Variants in LRP4 observed in about 807,000 individuals in gnomAD.
LRP4 encodes the protein LDL receptor related protein 4.
LRP4 carries 95 observed loss-of-function variants against 220.3 expected under a neutral mutation model. The observed-to-expected ratio is 0.43, with a 90% CI of 0.37 to 0.51. LRP4 has a LOEUF of 0.51. Ranked by LOEUF, LRP4 falls within the 20% of genes least tolerant of loss-of-function variation. LRP4 has a pLI of 0.00. For synonymous variants in LRP4, 903 were observed against 954.6 expected, an observed-to-expected ratio of 0.95 and a Z score of 1.00; for missense variants, 1,925 against 2,567.0, an observed-to-expected ratio of 0.75 and a Z score of 5.40.
chr11:46,868,373 G>C (rs1304136048), intron 33 of LRP4, among the ~76,000 whole-genome samples: 1 of 152,212 alleles, frequency 6.6e-6, no homozygotes, highest in African/African-American at 2.4e-5. Context: ...CAGGGACCTG[G>C]GAATCAAGAG....
intron 1 of LRP4, among the ~76,000 whole-genome samples, chr11:46,917,632 C>G (rs1941968224): frequency 6.6e-6 from 1 of 152,184 alleles, no homozygotes. Context: ...AGCCTTCCAG[C>G]AGTTTCTTCC....
chr11:46,873,319 A>G lies in LRP4; in HGVS notation c.4448+56T>C, dbSNP rs1485604279. 1 of 1,611,988 alleles carries G rather than the reference A, an allele frequency of 6.2e-7. No homozygotes were observed. The highest frequency in any genetic ancestry group is 1.7e-5 in the Admixed American group (1 of 59,786). ...AGAACACAGAGGACCCACTAACACC[A>G]TCTTTCCACCCAGCCCTTCTTCCCT... On this transcript the variant is annotated intron_variant, in intron 29 of 37. Transcript: ENST00000378623. The surrounding 1 kb of genome is among the most constrained non-coding windows in gnomAD (Gnocchi z 4.2).
chr11:46,889,749 T>A, intron 15 of LRP4, 195 bp downstream of exon 15: 1 of 835,762 alleles, frequency 1.2e-6, no homozygotes, highest in Non-Finnish European at 1.9e-6. Flanking sequence ...CGGTGAAGTC[T>A]AATGAATCTT....
In LRP4 at chr11:46,859,362, A is replaced by G. The variant is rs746893889; in HGVS notation, c.5386-47T>C. The G allele has an allele frequency of 7.0e-5, 98 of 1,394,870 alleles. 1 individual carries two copies. The Admixed American group carries it at 1.5e-3, about 22-fold the overall frequency. 86.4% of individuals were successfully genotyped at this position (1,394,870 alleles called of 1,614,324 possible). A position where few individuals can be genotyped will look rare whatever the true frequency, so the allele number is the denominator to read the frequency against. ...TATGGTCAGTCAGTTGGCCTTCTAC[A>G]AAGGATCCCATGGTAAACTGAAAAA... On this transcript the variant is annotated intron_variant, in intron 37 of 37. Transcript: ENST00000378623.
At chr11:46,874,755 C>CAGAA in intron 28 of LRP4, 45 bp downstream of exon 28, 1 of 1,594,024 alleles carries the variant, frequency 6.3e-7, no homozygotes, top group Non-Finnish European at 8.6e-7. Flanking sequence ...CATGGGCGAC[C>CAGAA]AGAAGCAAAT....
rs1941406779 is a variant in LRP4, at chr11:46,890,780, G to C, written c.1698-286C>G. 6.6e-6 allele frequency among the ~76,000 whole-genome samples: 1 copy of C among 152,012 alleles called. No individual in the cohort carries two copies. Among genetic ancestry groups the C allele is most frequent in the Non-Finnish European group, 1.5e-5 (1 of 68,002 alleles). Reference sequence around the variant, plus strand: ...CTAACTAATTTTTTTTTGTAGTAGAGATGAGGTCTTGCTATGTTACCCAAG... The same window carrying C: ...CTAACTAATTTTTTTTTGTAGTAGACATGAGGTCTTGCTATGTTACCCAAG... On this transcript the variant is annotated intron_variant, in intron 13 of 37. Transcript: ENST00000378623. This position sits in a 1 kb window ranked among gnomAD's most constrained non-coding sequence, Gnocchi z 5.3.
At chr11:46,894,970 A>C (rs1023482680) in intron 11 of LRP4, 151 bp from the exon 12 acceptor site, 4 of 1,048,206 alleles carry the variant, frequency 3.8e-6, no homozygotes, top group East Asian at 5.0e-5. Flanking sequence ...GGCAACCTTT[A>C]AACTATATTC....
At position 46,865,510 on chromosome 11, in the gene LRP4, A is replaced by T. The variant is rs188029916; in HGVS notation, c.5088-324T>A. Among the ~76,000 whole-genome samples the T allele has an allele frequency of 6.6e-5, 10 of 152,376 alleles. No individual in the cohort carries two copies. In the East Asian group the frequency reaches 1.9e-3, roughly 29 times the overall value. ...TATTAGGCTTTCTTAAACTACCAGG[A>T]TGAGTCAGAAGCAGCTGCTAGCCAA... On this transcript the variant is annotated intron_variant, in intron 34 of 37. Transcript: ENST00000378623.
intron 18 of LRP4, among the ~76,000 whole-genome samples, chr11:46,884,370 G>A (rs1456409567): frequency 3.3e-5 from 5 of 152,078 alleles, no homozygotes; most frequent in South Asian, 2.1e-4. Flanking sequence ...TTGAGAGGCC[G>A]AGGCAAGTGG....
rs368124164 is a variant in LRP4 at position 46,868,645 on chromosome 11, C to T, written c.4906G>A (p.Val1636Ile). The T allele has an allele frequency of 5.6e-6, 9 of 1,614,038 alleles. No individual in the cohort carries two copies. The highest frequency in any genetic ancestry group is 2.2e-5 in the East Asian group (1 of 44,898). ...TCAGGTTCGTCAGGACAGGCACATA[C>T]GAAGTCCGAGGCTCTGGCAAAGCAG... ...HLCFARASDFVCACPDEPDSR... is the reference protein window; with the variant it reads ...HLCFARASDFICACPDEPDSR... Residue 1636 changes from valine (V) to isoleucine (I), a missense_variant, in exon 33 of 38, where the codon GTA becomes ATA. This residue lies in a region of LRP4 where 1,244 missense variants were observed against 1,624.9 expected (regional missense o/e 0.77). Transcript: ENST00000378623.
At position 46,895,184 on chromosome 11, in the gene LRP4, G is replaced by T; in HGVS notation, c.1291C>A (p.Arg431Ser). ...CCCTTACCCAGAGCCTTGCAGCTGC[G>T]CCGGTCGGGCCGTAGTTCATAGCCT... is the stretch of plus-strand genomic sequence containing the variant. ...ETGYELRPDR[R>S]SCKALGPEPV... is the part of the protein sequence containing the mutation. Residue 431 changes from arginine to serine, a missense_variant, in exon 11 of 38, where the codon CGC (arginine) becomes AGC (serine). This residue lies in a region of LRP4 where 269 missense variants were observed against 436.7 expected (regional missense o/e 0.62). Coordinates refer to ENST00000378623, the MANE Select transcript of LRP4 (RefSeq NM_002334.4). 6.2e-7 allele frequency: 1 copy of T among 1,613,950 alleles called. No individual in the cohort carries two copies. The highest frequency in any genetic ancestry group is 8.5e-7 in the Non-Finnish European group (1 of 1,180,032).
intron 2 of LRP4, among the ~76,000 whole-genome samples, chr11:46,900,740 C>T (rs184366906): frequency 1.8e-3 from 280 of 151,632 alleles, no homozygotes; most frequent in South Asian, 4.4e-3. Context: ...ATCTGCCTGC[C>T]TCAGCCTCCC....
intron 1 of LRP4, among the ~76,000 whole-genome samples, chr11:46,908,142 G>C (rs1185816970): frequency 6.6e-6 from 1 of 152,104 alleles, no homozygotes; most frequent in Non-Finnish European, 1.5e-5. Flanking sequence ...ATGTTGGCCA[G>C]GGTGGTCTTA....
intron 15 of LRP4, 77 bp downstream of exon 15, chr11:46,889,867 A>C: frequency 6.6e-7 from 1 of 1,516,526 alleles, no homozygotes; most frequent in African/African-American, 1.4e-5. Flanking sequence ...CTCTAAGGGG[A>C]AGGAAGGTTC....
intron 16 of LRP4, 57 bp from the exon 17 acceptor site, chr11:46,886,590 A>G: frequency 7.0e-7 from 1 of 1,428,400 alleles, no homozygotes; most frequent in Non-Finnish European, 9.8e-7. Flanking sequence ...GAACAGTGAC[A>G]GACACAGACG....
chr11:46,870,652 T>C (rs966674658), intron 31 of LRP4, among the ~76,000 whole-genome samples: 1 of 152,190 alleles, frequency 6.6e-6, no homozygotes, highest in Non-Finnish European at 1.5e-5. Context: ...TCTCAAACTC[T>C]TGGGCTCAAG....
At position 46,890,566 on chromosome 11, in the gene LRP4, G is replaced by A; in HGVS notation, c.1698-72C>T. On this transcript the variant is annotated intron_variant, in intron 13 of 37. Coordinates refer to ENST00000378623, the MANE Select transcript of LRP4 (RefSeq NM_002334.4). The surrounding 1 kb of genome is among the most constrained non-coding windows in gnomAD (Gnocchi z 5.3). Reference sequence around the variant, plus strand: ...AGGTAACCAGGAGAATAATCAGGTAGGGCGCTTTTATCCATTTAACTCAGG... The same window carrying A: ...AGGTAACCAGGAGAATAATCAGGTAAGGCGCTTTTATCCATTTAACTCAGG... 1.8e-6 allele frequency: 2 copies of A among 1,090,864 alleles called. No homozygotes were observed. The highest frequency in any genetic ancestry group is 2.8e-6 in the Non-Finnish European group (2 of 726,562). The allele number at this position is 1,090,864 out of a possible 1,614,324, so 67.6% of individuals were successfully genotyped here.
rs765748906 is a variant in LRP4 at position 46,875,600 on chromosome 11, G to A, written c.3781C>T (p.Leu1261Phe). Residue 1261 changes from leucine (L) to phenylalanine (F), a missense_variant, in exon 27 of 38, where the codon CTC becomes TTC. Physicochemically the swap from Leu to Phe is conservative, Grantham distance 22. Coordinates refer to ENST00000378623, the MANE Select transcript of LRP4 (RefSeq NM_002334.4). The surrounding 1 kb of genome is among the most constrained non-coding windows in gnomAD (Gnocchi z 4.5). The stretch of plus-strand genomic sequence containing the variant: ...TCAGTCCAGTAGATATAGGAGTCGA[G>A]CAGGGTGAGGCCATATGGGTGCTGC... Reference protein sequence around the residue: ...PVQHPYGLTLLDSYIYWTDWQ... With the variant: ...PVQHPYGLTLFDSYIYWTDWQ... 6.2e-7 allele frequency: 1 copy of A among 1,614,180 alleles called. No homozygotes were observed. The highest frequency in any genetic ancestry group is 8.5e-7 in the Non-Finnish European group (1 of 1,180,020).
At chr11:46,865,220 C>G in intron 34 of LRP4, 34 bp from the exon 35 acceptor site, 1 of 1,486,888 alleles carries the variant, frequency 6.7e-7, no homozygotes, top group Non-Finnish European at 9.2e-7. Flanking sequence ...GTGAAGCCTA[C>G]TCATACTCAG....
Sources: gnomAD v4.1 joint callset for allele counts (sites outside exome capture counted in the v4.1 genomes callset) on GRCh38, gnomAD v4.1.1 for gene constraint, gnomAD v4.1.1 regional missense constraint, Gnocchi (gnomAD v3.1) non-coding constraint, MANE v1.5 for transcripts, NCBI Gene and HGNC (gene_info 2026-07-23, HGNC 2026-07-21) for gene names.